The following TNR variants were observed in gnomAD, a reference collection of about 807,000 sequenced individuals.
TNR encodes tenascin-R.
A neutral mutation model predicts 150.4 loss-of-function variants in TNR; 45 were observed. The observed-to-expected ratio is 0.30, with a 90% CI of 0.24 to 0.38. The LOEUF (loss-of-function observed/expected upper bound fraction) is 0.38. Ranked by LOEUF, TNR falls within the 10% of genes least tolerant of loss-of-function variation. The pLI, the probability that TNR is intolerant of heterozygous loss-of-function variation, is 1.00. For missense variants in TNR, 1,544 were observed against 1,759.1 expected, an observed-to-expected ratio of 0.88 and a Z score of 2.19; for synonymous variants, 687 against 678.4, an observed-to-expected ratio of 1.01 and a Z score of -0.20.
At chr1:175,587,372 C>G (rs1392825709) in intron 1 of TNR, among the ~76,000 whole-genome samples, 2 of 152,102 alleles carry the variant, frequency 1.3e-5, no homozygotes, top group South Asian at 4.1e-4. Context: ...GCTGAGTAAC[C>G]CAGAGTGAAT....
intron 1 of TNR, among the ~76,000 whole-genome samples, chr1:175,712,940 G>T (rs1571779765): frequency 6.6e-6 from 1 of 152,142 alleles, no homozygotes; most frequent in Non-Finnish European, 1.5e-5. Flanking sequence ...GGGGCATAAA[G>T]AAAAAGTCCA....
In TNR at chr1:175,316,232, C is replaced by G. The variant is rs150609192; in HGVS notation, c.*7125G>C. The G allele has an allele frequency of 6.6e-6, 1 of 152,214 alleles. No individual in the cohort carries two copies. Among genetic ancestry groups the G allele is most frequent in the Non-Finnish European group, 1.5e-5 (1 of 68,044 alleles). The allele number at this position is 152,214 out of a possible 1,614,324, so 9.4% of individuals were successfully genotyped here. ...GTAGCAGAGAAAGCTGATATTGTAG[C>G]CAACTGTCTTCTGATGCCTTCCCAC... On this transcript the variant is annotated 3_prime_UTR_variant, in exon 23 of 23. Transcript: ENST00000367674.
At chr1:175,541,786 C>G (rs74127333) in intron 1 of TNR, among the ~76,000 whole-genome samples, 2 of 152,132 alleles carry the variant, frequency 1.3e-5, no homozygotes, top group Admixed American at 6.5e-5. Flanking sequence ...CAACCCCACC[C>G]CTGGCTCTAT....
chr1:175,483,769 T>C lies in TNR; in HGVS notation c.-64+44500A>G, dbSNP rs548141904. Among the ~76,000 whole-genome samples the C allele has an allele frequency of 2.0e-5, 3 of 152,274 alleles. No individual in the cohort carries two copies. The East Asian group carries it at 5.8e-4, about 29-fold the overall frequency. Reference sequence around the variant, plus strand: ...GATGGTGGGGGCTGGGAACTACACGTTTGAGTTGCAGTCCAGGCTCTGTGG... The same window carrying C: ...GATGGTGGGGGCTGGGAACTACACGCTTGAGTTGCAGTCCAGGCTCTGTGG... On this transcript the variant is annotated intron_variant, in intron 2 of 22. Transcript: ENST00000367674.
rs1313877932 is a variant in TNR at position 175,692,541 on chromosome 1, G to A, written c.-165+50685C>T. ...ACTTGAAGAATAAAGTCTTTAATTT[G>A]CAGCTATAAACAAGTAAGCTCATTT... is the stretch of plus-strand genomic sequence containing the variant. On this transcript the variant is annotated intron_variant, in intron 1 of 22. Coordinates refer to ENST00000367674, the MANE Select transcript of TNR (RefSeq NM_003285.3). Among the ~76,000 whole-genome samples the A allele has an allele frequency of 5.3e-5, 8 of 152,294 alleles. No individual in the cohort carries two copies. In the East Asian group the frequency reaches 1.5e-3, roughly 29 times the overall value.
chr1:175,517,893 G>A (rs145853610), intron 2 of TNR, among the ~76,000 whole-genome samples: 21 of 152,220 alleles, frequency 1.4e-4, no homozygotes, highest in Non-Finnish European at 2.9e-4. Context: ...TGCTCAGCAC[G>A]GAAACACCAG....
Position 175,337,510 on chromosome 1 carries a change from A to G in TNR, c.3534+18T>C, listed in dbSNP as rs1482634157. On this transcript the variant is annotated intron_variant, in intron 19 of 22. Transcript: ENST00000367674. Reference sequence around the variant, plus strand: ...ACTGAGGACGCTTCTGTGCAAGGAGAGCACAGATTGTACTTACAATCCAGC... The same window carrying G: ...ACTGAGGACGCTTCTGTGCAAGGAGGGCACAGATTGTACTTACAATCCAGC... 2 of 1,612,310 alleles carry G rather than the reference A, an allele frequency of 1.2e-6. No homozygotes were observed. The highest frequency in any genetic ancestry group is 2.2e-5 in the East Asian group (1 of 44,886).
intron 20 of TNR, among the ~76,000 whole-genome samples, chr1:175,332,552 C>A: frequency 6.6e-6 from 1 of 152,158 alleles, no homozygotes; most frequent in East Asian, 1.9e-4. Flanking sequence ...TCTTCAAGAG[C>A]CCTCCCTGTC....
chr1:175,429,476 G>A (rs1185107627), intron 2 of TNR, among the ~76,000 whole-genome samples: 2 of 152,172 alleles, frequency 1.3e-5, no homozygotes, highest in African/African-American at 4.8e-5. Flanking sequence ...AAATAGAGTT[G>A]TGATGATTAA....
At chr1:175,503,499 A>T (rs899757160) in intron 2 of TNR, among the ~76,000 whole-genome samples, 45 of 152,322 alleles carry the variant, frequency 3.0e-4, no homozygotes, top group Middle Eastern at 3.4e-3. Flanking sequence ...TATGGTATTT[A>T]TGTAAATGAG....
At position 175,528,363 on chromosome 1, in the gene TNR, C is replaced by A. The variant is rs1659932154; in HGVS notation, c.-158G>T. ...TGCCCTCTATGCAGTTAAAACGATA[C>A]AGCCACCTGAAACAGAAATAAGGGA... is the stretch of plus-strand genomic sequence containing the variant. On this transcript the variant is annotated 5_prime_UTR_variant, in exon 2 of 23. Coordinates refer to ENST00000367674, the MANE Select transcript of TNR (RefSeq NM_003285.3). 1 of 152,204 alleles carries A rather than the reference C, an allele frequency of 6.6e-6. No homozygotes were observed. The highest frequency in any genetic ancestry group is 2.1e-4 in the South Asian group (1 of 4,834). The allele number at this position is 152,204 out of a possible 1,614,324, so 9.4% of individuals were successfully genotyped here. A position where few individuals can be genotyped will look rare whatever the true frequency, so the allele number is the denominator to read the frequency against.
intron 7 of TNR, among the ~76,000 whole-genome samples, chr1:175,390,109 G>A (rs1345408283): frequency 6.6e-6 from 1 of 152,184 alleles, no homozygotes. Context: ...TGCACTAATG[G>A]AACACAAGCT....
At chr1:175,332,996 T>C (rs1279598603) in intron 20 of TNR, among the ~76,000 whole-genome samples, 1 of 152,244 alleles carries the variant, frequency 6.6e-6, no homozygotes, top group Non-Finnish European at 1.5e-5. Flanking sequence ...ACCCTGATCC[T>C]AACCTTCACT....
chr1:175,363,022 G>T (rs1651675038), intron 13 of TNR, among the ~76,000 whole-genome samples: 1 of 152,198 alleles, frequency 6.6e-6, no homozygotes, highest in African/African-American at 2.4e-5. Context: ...TTGGAGCAAA[G>T]AAAAATGACC....
chr1:175,621,674 T>G (rs1663982353), intron 1 of TNR, among the ~76,000 whole-genome samples: 1 of 152,238 alleles, frequency 6.6e-6, no homozygotes, highest in Admixed American at 6.5e-5. Flanking sequence ...TACCCTTCAA[T>G]GTCCAGCTCA....
chr1:175,667,806 C>A (rs986989211), intron 1 of TNR, among the ~76,000 whole-genome samples: 1 of 152,174 alleles, frequency 6.6e-6, no homozygotes, highest in East Asian at 1.9e-4. Flanking sequence ...GTCAGATACA[C>A]TTTTCTTGTA....
At chr1:175,505,078 G>C (rs1425305133) in intron 2 of TNR, among the ~76,000 whole-genome samples, 1 of 152,190 alleles carries the variant, frequency 6.6e-6, no homozygotes, top group East Asian at 1.9e-4. Context: ...CTTGCCTGTG[G>C]GACGCTGTTC....
chr1:175,539,549 C>T (rs1249236079), intron 1 of TNR, among the ~76,000 whole-genome samples: 1 of 152,220 alleles, frequency 6.6e-6, no homozygotes, highest in African/African-American at 2.4e-5. Flanking sequence ...CTGAGACCTG[C>T]TGGCTCTGGA....
chr1:175,507,153 C>T (rs1490643383), intron 2 of TNR, among the ~76,000 whole-genome samples: 1 of 152,160 alleles, frequency 6.6e-6, no homozygotes, highest in African/African-American at 2.4e-5. Flanking sequence ...GAGCCTCCAC[C>T]TCCCTCTGCA....
Sources: allele counts gnomAD v4.1 joint callset (sites outside exome capture counted in the v4.1 genomes callset), GRCh38; gene constraint gnomAD v4.1.1; transcripts MANE v1.5; gene names NCBI Gene and HGNC (gene_info 2026-07-23, HGNC 2026-07-21).